BRINP1: variants seen among roughly 807,000 people sequenced by gnomAD.
The protein encoded by BRINP1 is BMP/retinoic acid-inducible neural-specific protein 1.
In BRINP1, 17 loss-of-function variants were observed where a neutral mutation model predicts 72.9. That is an observed-to-expected ratio of 0.23 (90% CI 0.16 to 0.35). The LOEUF is 0.35. Among genes scored for constraint, BRINP1 ranks in the 10% least tolerant of loss-of-function variants. The pLI is 1.00. For synonymous variants in BRINP1, 418 were observed against 378.5 expected (o/e 1.10, Z -1.21); for missense variants, 850 against 1,001.6 (o/e 0.85, Z 2.04).
chr9:119,292,470 T>C (rs1323220842), intron 2 of BRINP1, among the ~76,000 whole-genome samples: 1 of 152,218 alleles, frequency 6.6e-6, no homozygotes, highest in Non-Finnish European at 1.5e-5. Context: ...TTCATATTTA[T>C]ATTAAATAGT....
chr9:119,318,844 G>GGGGGGTGTGTGTGTGTGTGT (rs111313745), intron 1 of BRINP1, among the ~76,000 whole-genome samples: 2 of 142,146 alleles, frequency 1.4e-5, no homozygotes, highest in African/African-American at 5.2e-5. Flanking sequence ...AAATGTGTGG[G>GGGGGGTGTGTGTGTGTGTGT]GTGTGTGTGT....
intron 2 of BRINP1, among the ~76,000 whole-genome samples, chr9:119,272,761 G>A (rs1056954888): frequency 6.6e-6 from 1 of 152,124 alleles, no homozygotes; most frequent in African/African-American, 2.4e-5. Flanking sequence ...CAGCCACATC[G>A]CAGAGACTGA....
intron 2 of BRINP1, among the ~76,000 whole-genome samples, chr9:119,257,933 A>C (rs1205932793): frequency 6.6e-6 from 1 of 152,156 alleles, no homozygotes; most frequent in Non-Finnish European, 1.5e-5. Flanking sequence ...AGCCACATCC[A>C]GGCAGATCTC....
intron 7 of BRINP1, among the ~76,000 whole-genome samples, chr9:119,206,859 A>G (rs1829862395): frequency 6.6e-6 from 1 of 152,214 alleles, no homozygotes; most frequent in Non-Finnish European, 1.5e-5. Context: ...CAGTCTGAGC[A>G]TCTGTTGTGC....
chr9:119,368,966 G>T lies in BRINP1; in HGVS notation c.-51+90C>A, dbSNP rs1831725459. 5.2e-6 allele frequency: 2 copies of T among 388,332 alleles called. No individual in the cohort carries two copies. The highest frequency in any genetic ancestry group is 9.1e-6 in the Non-Finnish European group (2 of 219,776). The allele number at this position is 388,332 out of a possible 1,614,324, so 24.1% of individuals were successfully genotyped here. Reference sequence around the variant, plus strand: ...GACAAGGGTGCCGGTAGGGGGAGGGGCAGAGGAGCGCGGGGACGCCCCGAA... The same window carrying T: ...GACAAGGGTGCCGGTAGGGGGAGGGTCAGAGGAGCGCGGGGACGCCCCGAA... On this transcript the variant is annotated intron_variant, in intron 1 of 7. Coordinates refer to ENST00000265922, the MANE Select transcript of BRINP1 (RefSeq NM_014618.3). This position sits in a 1 kb window ranked among gnomAD's most constrained non-coding sequence, Gnocchi z 4.7.
At chr9:119,299,403 C>T (rs981694046) in intron 2 of BRINP1, among the ~76,000 whole-genome samples, 5 of 151,952 alleles carry the variant, frequency 3.3e-5, no homozygotes, top group Admixed American at 1.3e-4. Context: ...CACCTGAGGT[C>T]GGGAGTTCAA....
chr9:119,355,406 A>T (rs1831551317), intron 1 of BRINP1, among the ~76,000 whole-genome samples: 1 of 152,156 alleles, frequency 6.6e-6, no homozygotes, highest in South Asian at 2.1e-4. Context: ...ACTAGAAGGA[A>T]GGTACTGTTG....
chr9:119,201,185 C>G (rs1829801785), intron 7 of BRINP1, among the ~76,000 whole-genome samples: 1 of 152,102 alleles, frequency 6.6e-6, no homozygotes, highest in African/African-American at 2.4e-5. Flanking sequence ...AGAGTAGATT[C>G]TGGGAGACTT....
At chr9:119,186,844 G>A (rs868229552) in intron 7 of BRINP1, among the ~76,000 whole-genome samples, 8 of 152,054 alleles carry the variant, frequency 5.3e-5, no homozygotes, top group Admixed American at 1.3e-4. Context: ...TTTCTACAGC[G>A]CCTCAGAGGA....
At chr9:119,230,065 G>C (rs1285608027) in intron 5 of BRINP1, among the ~76,000 whole-genome samples, 1 of 151,866 alleles carries the variant, frequency 6.6e-6, no homozygotes, top group Non-Finnish European at 1.5e-5. Flanking sequence ...GTTTAGAGAA[G>C]CTTACCTGAG....
At chr9:119,218,525 A>C (rs1588167829) in intron 5 of BRINP1, among the ~76,000 whole-genome samples, 1 of 152,100 alleles carries the variant, frequency 6.6e-6, no homozygotes, top group East Asian at 2.0e-4. Context: ...TCCTTCTCCA[A>C]GATGAAAAGA....
intron 5 of BRINP1, among the ~76,000 whole-genome samples, chr9:119,222,005 A>G (rs1830045750): frequency 6.6e-6 from 1 of 152,132 alleles, no homozygotes; most frequent in South Asian, 2.1e-4. Context: ...AGATAACTAC[A>G]CATCCCCACT....
At chr9:119,296,390 C>T (rs889515684) in intron 2 of BRINP1, among the ~76,000 whole-genome samples, 3 of 151,992 alleles carry the variant, frequency 2.0e-5, no homozygotes, top group Non-Finnish European at 2.9e-5. Context: ...TGAAAAATAA[C>T]GTGTTAGCAA....
intron 7 of BRINP1, among the ~76,000 whole-genome samples, chr9:119,189,050 T>C (rs538711692): frequency 6.6e-6 from 1 of 151,890 alleles, no homozygotes; most frequent in South Asian, 2.1e-4. Context: ...ATATAAATAG[T>C]TGGGGGGAGG....
chr9:119,192,723 C>A (rs775395415), intron 7 of BRINP1, among the ~76,000 whole-genome samples: 21 of 152,050 alleles, frequency 1.4e-4, no homozygotes, highest in Non-Finnish European at 2.4e-4. Context: ...AACTACCATA[C>A]AACACAGAAA....
intron 1 of BRINP1, among the ~76,000 whole-genome samples, chr9:119,367,221 G>GATATATATATATATATAT (rs6151155): frequency 0.015 from 1,476 of 99,628 alleles, 62 homozygotes; most frequent in African/African-American, 0.031. Context: ...GTGTGTGATT[G>GATATATATATATATATAT]ATATATATAT....
intron 7 of BRINP1, among the ~76,000 whole-genome samples, chr9:119,171,940 C>CAAAG (rs957099510): frequency 7.6e-6 from 1 of 131,742 alleles, no homozygotes; most frequent in Non-Finnish European, 1.5e-5. Context: ...CCAACGAGAA[C>CAAAG]AAAGACACAA....
At chr9:119,352,311 T>G (rs1343090376) in intron 1 of BRINP1, among the ~76,000 whole-genome samples, 1 of 152,236 alleles carries the variant, frequency 6.6e-6, no homozygotes, top group East Asian at 1.9e-4. Flanking sequence ...TATTTATATT[T>G]TAGTGCTACA....
In BRINP1 at chr9:119,269,080, C is replaced by T. The variant is rs13288532; in HGVS notation, c.219-19930G>A. ...CACAGTGAGGGCTCTAAAGATCCTT[C>T]CTCCACAGGCTTCCTGTTAGAGATA... On this transcript the variant is annotated intron_variant, in intron 2 of 7. Transcript: ENST00000265922. Among the ~76,000 whole-genome samples the T allele has an allele frequency of 2.1e-3, 322 of 152,332 alleles. 2 individuals are homozygous for T. The highest frequency in any genetic ancestry group is 0.017 in the Middle Eastern group (5 of 294).
Sources: allele counts gnomAD v4.1 joint callset (sites outside exome capture counted in the v4.1 genomes callset), GRCh38; gene constraint gnomAD v4.1.1; non-coding constraint Gnocchi (gnomAD v3.1); transcripts MANE v1.5; gene names NCBI Gene and HGNC (gene_info 2026-07-23, HGNC 2026-07-21).